The following AKT1S1 variants were observed in gnomAD, a reference collection of about 807,000 sequenced individuals.
AKT1S1 encodes AKT1 substrate 1.
AKT1S1 carries 17 observed loss-of-function variants against 21.2 expected under a neutral mutation model. The observed-to-expected ratio is 0.80, with a 90% CI of 0.55 to 1.20. The LOEUF (loss-of-function observed/expected upper bound fraction) is 1.20. AKT1S1 is among the 50% of genes most tolerant of loss of function. The pLI, the probability that AKT1S1 is intolerant of heterozygous loss-of-function variation, is 0.00. For missense variants in AKT1S1, 366 were observed against 368.3 expected, an observed-to-expected ratio of 0.99 and a Z score of 0.05; for synonymous variants, 181 against 165.6, an observed-to-expected ratio of 1.09 and a Z score of -0.72.
At chr19:49,877,925 GC>G (rs1043403315), upstream of AKT1S1, 167 of 663,038 alleles carry the variant, frequency 2.5e-4, no homozygotes, top group Non-Finnish European at 3.1e-4. Flanking sequence ...CCATGGCCCC[GC>G]CCCCCCGGCT....
intron 1 of AKT1S1, chr19:49,875,093 G>A (rs2074925153): frequency 6.6e-6 from 1 of 152,216 alleles, no homozygotes; most frequent in Non-Finnish European, 1.5e-5. Flanking sequence ...TACACTATGA[G>A]ACAGGAGCTT....
chr19:49,877,742 A>G (rs1421180275), upstream of AKT1S1: 5 of 1,596,088 alleles, frequency 3.1e-6, no homozygotes, highest in Admixed American at 3.6e-5. Context: ...AGCCGGCTAC[A>G]GGGTAAGCAC....
At position 49,873,122 on chromosome 19, in the gene AKT1S1, C is replaced by T. The variant is rs1043883715; in HGVS notation, c.174G>A (p.Ala58=). 65 of 1,541,998 alleles carry T rather than the reference C, an allele frequency of 4.2e-5. No individual in the cohort carries two copies. The highest frequency in any genetic ancestry group is 5.3e-5 in the Non-Finnish European group (61 of 1,148,472). The part of the protein sequence containing the change: ...AHGRGALAEA[A]RRCLHDIALA... ...GTGCGATGTCGTGGAGGCAACGGCGCGCTGCCTCCGCCAGGGCTCCTCGAC... is the reference window on the plus strand; with the variant it reads ...GTGCGATGTCGTGGAGGCAACGGCGTGCTGCCTCCGCCAGGGCTCCTCGAC... The change falls in exon 2 of 5, where the codon GCG becomes GCA. Residue 58 remains alanine, a synonymous_variant. Coordinates refer to ENST00000344175, the MANE Select transcript of AKT1S1 (RefSeq NM_001098633.4). This position sits in a 1 kb window ranked among gnomAD's most constrained non-coding sequence, Gnocchi z 6.9.
intron 1 of AKT1S1, chr19:49,876,699 T>G: frequency 7.0e-7 from 1 of 1,436,986 alleles, no homozygotes; most frequent in South Asian, 1.4e-5. Flanking sequence ...CCGCCTCCTC[T>G]CCGCACACTC....
chr19:49,877,343 C>A lies in AKT1S1; in HGVS notation c.-114G>T. 1 of 260,732 alleles carries A rather than the reference C, an allele frequency of 3.8e-6. No individual in the cohort carries two copies. The highest frequency in any genetic ancestry group is 6.1e-5 in the South Asian group (1 of 16,288). The allele number at this position is 260,732 out of a possible 1,614,324, so 16.2% of individuals were successfully genotyped here. On this transcript the variant is annotated 5_prime_UTR_variant, in exon 1 of 5. Coordinates refer to ENST00000344175, the MANE Select transcript of AKT1S1 (RefSeq NM_001098633.4). ...AGCTGACCGGCTTAGGCCATGCCCT[C>A]GAGCAAAATGGTACCTCCTTGGCTT...
At position 49,873,125 on chromosome 19, in the gene AKT1S1, T is replaced by C. The variant is rs1225065738; in HGVS notation, c.171A>G (p.Ala57=). 1 of 1,541,896 alleles carries C rather than the reference T, an allele frequency of 6.5e-7. No individual in the cohort carries two copies. The highest frequency in any genetic ancestry group is 1.9e-5 in the Admixed American group (1 of 51,308). The stretch of plus-strand genomic sequence containing the variant: ...CGATGTCGTGGAGGCAACGGCGCGC[T>C]GCCTCCGCCAGGGCTCCTCGACCAT... ...AAHGRGALAE[A]ARRCLHDIAL... is the part of the protein sequence containing the mutation. Residue 57 remains alanine (A), a synonymous_variant, in exon 2 of 5, where the codon GCA becomes GCG. Transcript: ENST00000344175. This position sits in a 1 kb window ranked among gnomAD's most constrained non-coding sequence, Gnocchi z 6.9.
intron 1 of AKT1S1, chr19:49,876,345 G>C: frequency 1.7e-6 from 2 of 1,191,732 alleles, no homozygotes; most frequent in Admixed American, 4.3e-5. Context: ...CCGTGGACGT[G>C]GTCCACGGCC....
chr19:49,877,546 A>T, upstream of AKT1S1: 1 of 602,570 alleles, frequency 1.7e-6, no homozygotes, highest in Non-Finnish European at 2.8e-6. Context: ...ACTCCGATCC[A>T]CCCTCGAGGT....
upstream of AKT1S1, chr19:49,877,654 T>G (rs2074965553): frequency 6.4e-7 from 1 of 1,551,338 alleles, no homozygotes; most frequent in South Asian, 1.2e-5. Flanking sequence ...GGGAACTGTT[T>G]TCTCCGGAAG....
Position 49,873,084 on chromosome 19 carries a change from G to T in AKT1S1, c.212C>A (p.Ala71Asp). The change falls in exon 2 of 5, where the codon GCT becomes GAT. Residue 71 changes from alanine (A) to aspartate (D), a missense_variant. Physicochemically the swap from Ala to Asp is moderately radical, Grantham distance 126. Coordinates refer to ENST00000344175, the MANE Select transcript of AKT1S1 (RefSeq NM_001098633.4). The surrounding 1 kb of genome is among the most constrained non-coding windows in gnomAD (Gnocchi z 6.9). ...CGCAGGAGGCCGAGCAGCAGTGGCAGCCCTGTGGGCCAGTGCGATGTCGTG... is the reference window on the plus strand; with the variant it reads ...CGCAGGAGGCCGAGCAGCAGTGGCATCCCTGTGGGCCAGTGCGATGTCGTG... ...CLHDIALAHR[A>D]ATAARPPAPP... The T allele has an allele frequency of 6.4e-7, 1 of 1,550,880 alleles. No individual in the cohort carries two copies.
intron 1 of AKT1S1, chr19:49,876,710 C>T: frequency 7.1e-7 from 1 of 1,417,200 alleles, no homozygotes; most frequent in Non-Finnish European, 9.3e-7. Context: ...CCGCACACTC[C>T]GCCTCCCTTA....
Position 49,873,402 on chromosome 19 carries a change from C to T in AKT1S1, c.-7-100G>A. On this transcript the variant is annotated intron_variant, in intron 1 of 4. Transcript: ENST00000344175. This position sits in a 1 kb window ranked among gnomAD's most constrained non-coding sequence, Gnocchi z 6.9. The stretch of plus-strand genomic sequence containing the variant: ...CCGTCCCCTGGATGGCACTCACCAC[C>T]CTCCACCCACCTTGTCCCAGCGGTG... 7.3e-7 allele frequency: 1 copy of T among 1,364,748 alleles called. No individual in the cohort carries two copies. Among genetic ancestry groups the T allele is most frequent in the Non-Finnish European group, 9.4e-7 (1 of 1,065,242 alleles). 84.5% of individuals were successfully genotyped at this position (1,364,748 alleles called of 1,614,324 possible). A position where few individuals can be genotyped will look rare whatever the true frequency, so the allele number is the denominator to read the frequency against.
Position 49,869,812 on chromosome 19 carries a change from G to A in AKT1S1, c.*105C>T, listed in dbSNP as rs2074861833. On this transcript the variant is annotated 3_prime_UTR_variant, in exon 5 of 5. Coordinates refer to ENST00000344175, the MANE Select transcript of AKT1S1 (RefSeq NM_001098633.4). ...ACAATCTTGGGAATGGGAGACGCAA[G>A]GAGGCCGGTCCCGGATCGGCCTCAG... 6.6e-6 allele frequency: 8 copies of A among 1,206,140 alleles called. No individual in the cohort carries two copies. The South Asian group carries it at 9.0e-5, about 14-fold the overall frequency. The allele number at this position is 1,206,140 out of a possible 1,614,324, so 74.7% of individuals were successfully genotyped here.
rs1191759489 is a variant in AKT1S1, at chr19:49,869,681, G to A, written c.*236C>T. 2.3e-6 allele frequency: 1 copy of A among 431,724 alleles called. No individual in the cohort carries two copies. The highest frequency in any genetic ancestry group is 5.3e-5 in the South Asian group (1 of 18,728). 26.7% of individuals were successfully genotyped at this position (431,724 alleles called of 1,614,324 possible). A position where few individuals can be genotyped will look rare whatever the true frequency, so the allele number is the denominator to read the frequency against. On this transcript the variant is annotated 3_prime_UTR_variant, in exon 5 of 5. Coordinates refer to ENST00000344175, the MANE Select transcript of AKT1S1 (RefSeq NM_001098633.4). ...AATCCCTTAATAGAAGGAATCTGTCGCTAGGCGGAGAGAGACGACAGACCC... is the reference window on the plus strand; with the variant it reads ...AATCCCTTAATAGAAGGAATCTGTCACTAGGCGGAGAGAGACGACAGACCC...
upstream of AKT1S1, chr19:49,878,135 C>G (rs781776519): frequency 3.8e-6 from 6 of 1,570,996 alleles, no homozygotes; most frequent in Non-Finnish European, 1.7e-6. Context: ...TGGTTCCCCC[C>G]AACTCAGGTG....
Position 49,877,329 on chromosome 19 carries a change from T to A in AKT1S1, c.-100A>T, listed in dbSNP as rs997790640. 1 of 243,688 alleles carries A rather than the reference T, an allele frequency of 4.1e-6. No homozygotes were observed. The highest frequency in any genetic ancestry group is 8.1e-6 in the Non-Finnish European group (1 of 123,196). 15.1% of individuals were successfully genotyped at this position (243,688 alleles called of 1,614,324 possible). A position where few individuals can be genotyped will look rare whatever the true frequency, so the allele number is the denominator to read the frequency against. The stretch of plus-strand genomic sequence containing the variant: ...ATTAACATGGCCTTAGCTGACCGGC[T>A]TAGGCCATGCCCTCGAGCAAAATGG... On this transcript the variant is annotated 5_prime_UTR_variant, in exon 1 of 5. The change creates a new upstream start codon in the 5' untranslated region. Transcript: ENST00000344175.
rs186198209 is a variant in AKT1S1, at chr19:49,870,516, A to G, written c.628-456T>C. Among the ~76,000 whole-genome samples, 14 of 152,294 alleles carry G rather than the reference A, an allele frequency of 9.2e-5. No homozygotes were observed. The East Asian group carries it at 2.5e-3, about 27-fold the overall frequency. The stretch of plus-strand genomic sequence containing the variant: ...TGGGGCGGATAACAGGGTCTCTGTG[A>G]GGGCTGAGATAATCAGCTGTTACTG... On this transcript the variant is annotated intron_variant, in intron 4 of 4. Transcript: ENST00000344175.
At chr19:49,876,684 T>G in intron 1 of AKT1S1, 1 of 1,464,946 alleles carries the variant, frequency 6.8e-7, no homozygotes, top group South Asian at 1.3e-5. Context: ...GTCCGCGCAG[T>G]TGCCCCGCCT....
chr19:49,877,085 T>C (rs1165818109), intron 1 of AKT1S1, 152 bp downstream of exon 1: 1 of 177,062 alleles, frequency 5.6e-6, no homozygotes, highest in Non-Finnish European at 1.2e-5. Context: ...CTTGCTTCGG[T>C]TTGCCAGGCT....
Sources: gnomAD v4.1 joint callset for allele counts (sites outside exome capture counted in the v4.1 genomes callset) on GRCh38, gnomAD v4.1.1 for gene constraint, Gnocchi (gnomAD v3.1) non-coding constraint, MANE v1.5 for transcripts, NCBI Gene and HGNC (gene_info 2026-07-23, HGNC 2026-07-21) for gene names.